LAIR1: variants seen among roughly 807,000 people sequenced by gnomAD.
LAIR1 encodes the protein leukocyte associated immunoglobulin like receptor 1.
A neutral mutation model predicts 32.8 loss-of-function variants in LAIR1; 24 were observed. The ratio of observed to expected loss-of-function variants is 0.73; its 90% CI spans 0.53 to 1.03. The LOEUF (loss-of-function observed/expected upper bound fraction) is 1.03, where lower values mean the gene tolerates loss of function less well. Among genes scored for constraint, LAIR1 ranks in the 50% least tolerant of loss-of-function variants. The pLI, the probability that LAIR1 is intolerant of heterozygous loss-of-function variation, is 0.00. For synonymous variants in LAIR1, 150 were observed against 140.5 expected, an observed-to-expected ratio of 1.07 and a Z score of -0.48; for missense variants, 355 against 347.5, an observed-to-expected ratio of 1.02 and a Z score of -0.17.
At chr19:54,375,159 G>T (rs1433033173), upstream of LAIR1, among the ~76,000 whole-genome samples, 1 of 152,200 alleles carries the variant, frequency 6.6e-6, no homozygotes, top group Non-Finnish European at 1.5e-5. Context: ...CCGTCCCGCC[G>T]TCATCTCTGC....
At chr19:54,372,477 GTCTT>G (rs1264293913), upstream of LAIR1, among the ~76,000 whole-genome samples, 67 of 144,422 alleles carry the variant, frequency 4.6e-4, no homozygotes, top group Non-Finnish European at 8.5e-4. Flanking sequence ...CTATAAACTT[GTCTT>G]TCTTTCTTTC....
rs2081591829 is a variant in LAIR1 at position 54,353,897 on chromosome 19, T to C, written c.*1371A>G. ...ACAGGCACCCACCACCACACCCGGC[T>C]AATTTTTTTGTATTTTTAGTAGAGA... On this transcript the variant is annotated 3_prime_UTR_variant, in exon 10 of 10. Coordinates refer to ENST00000391742, the MANE Select transcript of LAIR1 (RefSeq NM_002287.6). 1 of 140,896 alleles carries C rather than the reference T, an allele frequency of 7.1e-6. No homozygotes were observed. Among genetic ancestry groups the C allele is most frequent in the Non-Finnish European group, 1.6e-5 (1 of 63,594 alleles). 8.7% of individuals were successfully genotyped at this position (140,896 alleles called of 1,614,324 possible).
chr19:54,368,005 C>A (rs966884477), upstream of LAIR1, among the ~76,000 whole-genome samples: 2 of 151,730 alleles, frequency 1.3e-5, no homozygotes, highest in African/African-American at 2.4e-5. Context: ...ATCTCCTGAC[C>A]TCATGATCCA....
At chr19:54,366,803 T>C (rs536969441), upstream of LAIR1, among the ~76,000 whole-genome samples, 45 of 152,284 alleles carry the variant, frequency 3.0e-4, no homozygotes, top group Non-Finnish European at 5.6e-4. Context: ...AGAAGAAATT[T>C]CTAAGCAACA....
upstream of LAIR1, among the ~76,000 whole-genome samples, chr19:54,369,438 C>G (rs986773178): frequency 8.6e-5 from 13 of 151,464 alleles, no homozygotes; most frequent in Middle Eastern, 3.2e-3. Context: ...TCCAAGGTCA[C>G]AGAACACATG....
At chr19:54,356,689 T>C in intron 5 of LAIR1, 70 bp from the exon 6 acceptor site, 1 of 1,464,074 alleles carries the variant, frequency 6.8e-7, no homozygotes, top group Non-Finnish European at 9.5e-7. Flanking sequence ...CACACACACG[T>C]CACGTGCGTT....
chr19:54,368,660 C>G (rs1389725034), upstream of LAIR1: 1 of 151,716 alleles, frequency 6.6e-6, no homozygotes, highest in East Asian at 1.9e-4. Context: ...CCACTGGTTC[C>G]TTTTTGATAT....
chr19:54,355,045 G>C lies in LAIR1; in HGVS notation c.*223C>G. On this transcript the variant is annotated 3_prime_UTR_variant, in exon 10 of 10. Transcript: ENST00000391742. This position sits in a 1 kb window ranked among gnomAD's most constrained non-coding sequence, Gnocchi z 4.7. ...GGTCTCTGGAAATAACTGAGAAACA[G>C]TCTGTCCAAGGAGCTGCTCGATTGT... 2.4e-6 allele frequency: 1 copy of C among 423,222 alleles called. No homozygotes were observed. Among genetic ancestry groups the C allele is most frequent in the Non-Finnish European group, 4.2e-6 (1 of 239,020 alleles). The allele number at this position is 423,222 out of a possible 1,614,324, so 26.2% of individuals were successfully genotyped here. A position where few individuals can be genotyped will look rare whatever the true frequency, so the allele number is the denominator to read the frequency against.
At position 54,355,467 on chromosome 19, in the gene LAIR1, G is replaced by C; in HGVS notation, c.718-53C>G. On this transcript the variant is annotated intron_variant, in intron 9 of 9. Transcript: ENST00000391742. This position sits in a 1 kb window ranked among gnomAD's most constrained non-coding sequence, Gnocchi z 4.7. ...AGTGCCTGGTGGAGGGTGAGACGAG[G>C]GGCTGTGGGGAGGGAGGGCTGTGGC... is the stretch of plus-strand genomic sequence containing the variant. 1 of 1,499,536 alleles carries C rather than the reference G, an allele frequency of 6.7e-7. No individual in the cohort carries two copies. The highest frequency in any genetic ancestry group is 9.0e-7 in the Non-Finnish European group (1 of 1,116,628). The allele number at this position is 1,499,536 out of a possible 1,614,324, so 92.9% of individuals were successfully genotyped here.
chr19:54,375,294 C>T (rs1170635789), upstream of LAIR1, among the ~76,000 whole-genome samples: 1 of 152,164 alleles, frequency 6.6e-6, no homozygotes, highest in Admixed American at 6.5e-5. Context: ...CAAGACTGGT[C>T]AAGGGAAAGT....
In LAIR1 at chr19:54,353,553, G is replaced by A. The variant is rs945912779; in HGVS notation, c.*1715C>T. ...TGTCTCTGAGACTTGGCCGACCTTG[G>A]ACAGGTTACTTCATGTCTCGGTCCA... On this transcript the variant is annotated 3_prime_UTR_variant, in exon 10 of 10. Coordinates refer to ENST00000391742, the MANE Select transcript of LAIR1 (RefSeq NM_002287.6). The A allele has an allele frequency of 6.6e-6, 1 of 151,996 alleles. No individual in the cohort carries two copies. The highest frequency in any genetic ancestry group is 1.5e-5 in the Non-Finnish European group (1 of 68,020). 9.4% of individuals were successfully genotyped at this position (151,996 alleles called of 1,614,324 possible). A position where few individuals can be genotyped will look rare whatever the true frequency, so the allele number is the denominator to read the frequency against.
upstream of LAIR1, among the ~76,000 whole-genome samples, chr19:54,367,929 C>T (rs1458248451): frequency 5.3e-5 from 8 of 150,308 alleles, no homozygotes; most frequent in Admixed American, 4.0e-4. Context: ...CCCGCCACCA[C>T]GCCCGGCTAA....
rs148763400 is a variant in LAIR1, at chr19:54,353,161, C to CAA, written c.*2105_*2106dup. 1.4e-3 allele frequency: 185 copies of CAA among 135,974 alleles called. 2 individuals carry two copies. The highest frequency in any genetic ancestry group is 2.8e-3 in the East Asian group (13 of 4,598). 8.4% of individuals were successfully genotyped at this position (135,974 alleles called of 1,614,324 possible). On this transcript the variant is annotated 3_prime_UTR_variant, in exon 10 of 10. Transcript: ENST00000391742. ...GGGCAACAAGAGCGAAACTCCATCTCAAAAAAAAAAAAAAAGAGAGAGAGA... is the reference window on the plus strand; with the variant it reads ...GGGCAACAAGAGCGAAACTCCATCTCAAAAAAAAAAAAAAAAAGAGAGAGAGA...
At chr19:54,356,881 C>A in intron 5 of LAIR1, 47 bp downstream of exon 5, 1 of 1,608,834 alleles carries the variant, frequency 6.2e-7, no homozygotes, top group Non-Finnish European at 8.5e-7. Flanking sequence ...TTCTCCTTCC[C>A]CAAGAGGCAC....
At position 54,356,019 on chromosome 19, in the gene LAIR1, A is replaced by G. The variant is rs1322416261; in HGVS notation, c.665-13T>C. 4 of 1,603,872 alleles carry G rather than the reference A, an allele frequency of 2.5e-6. No individual in the cohort carries two copies. In the South Asian group the frequency reaches 4.4e-5, roughly 18 times the overall value. Reference sequence around the variant, plus strand: ...ACTGTGGCCTTGTCTTGGGGAGAAAATACATGGTCAGTTTTCTGGGGAGGA... The same window carrying G: ...ACTGTGGCCTTGTCTTGGGGAGAAAGTACATGGTCAGTTTTCTGGGGAGGA... On this transcript the variant is annotated splice_polypyrimidine_tract_variant and intron_variant, in intron 8 of 9. Coordinates refer to ENST00000391742, the MANE Select transcript of LAIR1 (RefSeq NM_002287.6).
intron 2 of LAIR1, among the ~76,000 whole-genome samples, chr19:54,362,426 G>C (rs569330114): frequency 6.6e-6 from 1 of 152,312 alleles, no homozygotes; most frequent in African/African-American, 2.4e-5. Flanking sequence ...CACACAGGAT[G>C]CCTGCCGTTT....
In LAIR1 at chr19:54,363,969, T is replaced by C. The variant is rs536497991; in HGVS notation, c.70+326A>G. ...TATTCTCATCACAATAAGTATGTGATGGGGCTGATATGTTAATCAGCTTTA... is the reference window on the plus strand; with the variant it reads ...TATTCTCATCACAATAAGTATGTGACGGGGCTGATATGTTAATCAGCTTTA... On this transcript the variant is annotated intron_variant, in intron 2 of 9. Coordinates refer to ENST00000391742, the MANE Select transcript of LAIR1 (RefSeq NM_002287.6). Among the ~76,000 whole-genome samples, 4 of 152,350 alleles carry C rather than the reference T, an allele frequency of 2.6e-5. No individual in the cohort carries two copies. In the East Asian group the frequency reaches 5.8e-4, roughly 22 times the overall value.
chr19:54,362,507 C>A (rs191949876), intron 2 of LAIR1, among the ~76,000 whole-genome samples: 1 of 152,314 alleles, frequency 6.6e-6, no homozygotes, highest in South Asian at 2.1e-4. Context: ...TGTGAACTGA[C>A]AGAGTCTTGC....
chr19:54,370,258 T>A (rs2082372344), intron 1 of LAIR1: 10 of 1,525,996 alleles, frequency 6.6e-6, no homozygotes, highest in Non-Finnish European at 8.9e-6. Context: ...TAGCAGGGAC[T>A]CACCCATTTC....
Sources: gnomAD v4.1 joint callset for allele counts (sites outside exome capture counted in the v4.1 genomes callset) on GRCh38, gnomAD v4.1.1 for gene constraint, Gnocchi (gnomAD v3.1) non-coding constraint, MANE v1.5 for transcripts, NCBI Gene and HGNC (gene_info 2026-07-23, HGNC 2026-07-21) for gene names.